MYO6: variants seen among roughly 807,000 people sequenced by gnomAD.
MYO6 encodes unconventional myosin-VI.
MYO6 carries 74 observed loss-of-function variants against 178.7 expected under a neutral mutation model. The ratio of observed to expected loss-of-function variants is 0.41; its 90% confidence interval spans 0.34 to 0.50. The LOEUF (loss-of-function observed/expected upper bound fraction) is 0.50. MYO6 is among the 20% of genes least tolerant of loss of function. MYO6 has a pLI of 0.09. For synonymous variants in MYO6, 477 were observed against 504.6 expected (o/e 0.95, Z 0.73); for missense variants, 1,330 against 1,547.4 (o/e 0.86, Z 2.36).
intron 3 of MYO6, among the ~76,000 whole-genome samples, chr6:75,824,796 G>T (rs1347558977): frequency 4.2e-5 from 6 of 143,498 alleles, no homozygotes; most frequent in African/African-American, 1.5e-4. Flanking sequence ...GTCTCGCTCT[G>T]TCACCCAGAC....
intron 1 of MYO6, among the ~76,000 whole-genome samples, chr6:75,791,531 T>C (rs1213851278): frequency 1.3e-5 from 2 of 152,186 alleles, no homozygotes; most frequent in Non-Finnish European, 2.9e-5. Flanking sequence ...GTTAAAAAAA[T>C]CGAGACTTAA....
Position 75,892,648 on chromosome 6 carries a change from A to T in MYO6, c.3065A>T (p.Glu1022Val). 1.2e-6 allele frequency: 2 copies of T among 1,612,856 alleles called. No individual in the cohort carries two copies. The highest frequency in any genetic ancestry group is 1.1e-5 in the South Asian group (1 of 91,028). Residue 1022 changes from glutamate (E) to valine (V), a missense_variant, in exon 28 of 35, where the codon GAG (glutamate) becomes GTG (valine). By Grantham distance (121) the Glu-to-Val change is moderately radical. This residue lies in a region of MYO6 where 601 missense variants were observed against 626.1 expected (regional missense o/e 0.96). Coordinates refer to ENST00000369977, the MANE Select transcript of MYO6 (RefSeq NM_004999.4). Reference protein sequence around the residue: ...LALRIAQSEAELISDEAQADL... With the variant: ...LALRIAQSEAVLISDEAQADL... ...CTGAGGATTGCCCAGAGTGAAGCCG[A>T]GCTCATCAGTGATGAGGCCCAGGCC...
chr6:75,771,934 TTG>T (rs1765934923), intron 1 of MYO6, among the ~76,000 whole-genome samples: 1 of 152,222 alleles, frequency 6.6e-6, no homozygotes, highest in African/African-American at 2.4e-5. Context: ...AATTTAGTTT[TTG>T]TGTACTAATT....
Position 75,840,565 on chromosome 6 carries a change from ATT to A in MYO6, c.554-14_554-13del, listed in dbSNP as rs1375613035. 6.4e-7 allele frequency: 1 copy of A among 1,565,098 alleles called. No individual in the cohort carries two copies. The highest frequency in any genetic ancestry group is 1.1e-5 in the South Asian group (1 of 90,096). On this transcript the variant is annotated intron_variant, in intron 7 of 34. Coordinates refer to ENST00000369977, the MANE Select transcript of MYO6 (RefSeq NM_004999.4). ...TTCCGTCATGCTAATTTTTTGATGG[ATT>A]TTTTTGTTTCTCAATAGCTAACCCA... is the stretch of plus-strand genomic sequence containing the variant.
At chr6:75,845,051 A>G in intron 10 of MYO6, 74 bp downstream of exon 10, 1 of 1,209,962 alleles carries the variant, frequency 8.3e-7, no homozygotes, top group East Asian at 2.3e-5. Context: ...TATAATTTTT[A>G]TTTTAGAGCC....
At chr6:75,770,705 G>A (rs1237599467) in intron 1 of MYO6, among the ~76,000 whole-genome samples, 2 of 152,148 alleles carry the variant, frequency 1.3e-5, no homozygotes, top group Non-Finnish European at 2.9e-5. Context: ...TTGAACTCCC[G>A]ACCTCAGGTG....
At chr6:75,781,917 CAAAAAAAAAAAAAAAA>C (rs10584481) in intron 1 of MYO6, among the ~76,000 whole-genome samples, 1 of 44,658 alleles carries the variant, frequency 2.2e-5, no homozygotes, top group Non-Finnish European at 4.4e-5. Context: ...GACTCCATCT[CAAAAAAAAAAAAAAAA>C]AAAAAAAAAA....
intron 1 of MYO6, among the ~76,000 whole-genome samples, chr6:75,801,206 T>G (rs944034364): frequency 6.6e-6 from 1 of 151,540 alleles, no homozygotes; most frequent in Non-Finnish European, 1.5e-5. Context: ...GCTGGGGAGG[T>G]GTCAGGAAAT....
At chr6:75,900,746 C>A (rs1446215520) in intron 30 of MYO6, among the ~76,000 whole-genome samples, 2 of 151,830 alleles carry the variant, frequency 1.3e-5, no homozygotes, top group East Asian at 1.9e-4. Flanking sequence ...AATTAGATCC[C>A]ATTTGTCAAT....
At chr6:75,754,796 A>C (rs551348717) in intron 1 of MYO6, among the ~76,000 whole-genome samples, 1 of 152,368 alleles carries the variant, frequency 6.6e-6, no homozygotes, top group Non-Finnish European at 1.5e-5. Context: ...CATATACGTC[A>C]AAAGCTAATA....
Position 75,914,873 on chromosome 6 carries a change from G to T in MYO6, c.3719G>T (p.Arg1240Leu). ...NLEETGLTRK[R>L]GAEILPRQFE... Reference sequence around the variant, plus strand: ...GAGGAGACTGGCCTGACTCGGAAGCGTGGTGCTGAGATCTTGCCAAGACAG... The same window carrying T: ...GAGGAGACTGGCCTGACTCGGAAGCTTGGTGCTGAGATCTTGCCAAGACAG... Residue 1240 changes from arginine to leucine, a missense_variant, in exon 35 of 35, where the codon CGT (arginine) becomes CTT (leucine). By Grantham distance (102) the Arg-to-Leu change is moderately radical (BLOSUM62 -2). Coordinates refer to ENST00000369977, the MANE Select transcript of MYO6 (RefSeq NM_004999.4). The T allele has an allele frequency of 6.2e-7, 1 of 1,614,144 alleles. No individual in the cohort carries two copies. The highest frequency in any genetic ancestry group is 8.5e-7 in the Non-Finnish European group (1 of 1,180,000).
At chr6:75,830,653 T>G in intron 5 of MYO6, 108 bp downstream of exon 5, 1 of 1,094,660 alleles carries the variant, frequency 9.1e-7, no homozygotes, top group East Asian at 2.6e-5. Context: ...AATATATATT[T>G]TGGAGAAACT....
rs79143034 is a variant in MYO6, at chr6:75,877,616, G to A, written c.2078-2204G>A. 3.3e-5 allele frequency among the ~76,000 whole-genome samples: 5 copies of A among 152,062 alleles called. No homozygotes were observed. In the East Asian group the frequency reaches 9.7e-4, roughly 29 times the overall value. ...AAATACCAGGGCAAAGTAGGGGAAGGTGAAAGAAGGCAAGTTTTCTTCTTC... is the reference window on the plus strand; with the variant it reads ...AAATACCAGGGCAAAGTAGGGGAAGATGAAAGAAGGCAAGTTTTCTTCTTC... On this transcript the variant is annotated intron_variant, in intron 20 of 34. Transcript: ENST00000369977.
chr6:75,830,741 C>T (rs1302128043), intron 5 of MYO6, among the ~76,000 whole-genome samples, 196 bp downstream of exon 5: 2 of 152,152 alleles, frequency 1.3e-5, no homozygotes, highest in African/African-American at 4.8e-5. Flanking sequence ...TTGTAGTCAA[C>T]TAATGGGGCA....
chr6:75,881,430 C>A (rs567578476), intron 22 of MYO6, among the ~76,000 whole-genome samples: 2 of 139,898 alleles, frequency 1.4e-5, no homozygotes, highest in African/African-American at 2.6e-5. Flanking sequence ...TCATCCCCCC[C>A]CCCCACTTTT....
chr6:75,823,259 TA>T (rs1483264380), intron 3 of MYO6, among the ~76,000 whole-genome samples: 5 of 152,162 alleles, frequency 3.3e-5, no homozygotes, highest in Admixed American at 2.0e-4. Context: ...AACATGCATT[TA>T]AAAAAATTCT....
At chr6:75,821,509 G>T (rs1771867768) in intron 2 of MYO6, among the ~76,000 whole-genome samples, 1 of 151,974 alleles carries the variant, frequency 6.6e-6, no homozygotes, top group Non-Finnish European at 1.5e-5. Context: ...TGTGTACTGG[G>T]TTCCAAGTAA....
intron 1 of MYO6, among the ~76,000 whole-genome samples, chr6:75,808,964 C>T (rs1770392277): frequency 6.6e-6 from 1 of 152,160 alleles, no homozygotes; most frequent in Non-Finnish European, 1.5e-5. Flanking sequence ...ACACAATTTA[C>T]AGGTGAGAGG....
intron 4 of MYO6, among the ~76,000 whole-genome samples, chr6:75,829,454 T>G (rs1772846581): frequency 6.6e-6 from 1 of 152,052 alleles, no homozygotes. Flanking sequence ...CAAATGACAG[T>G]CTTAATCTAT....
Sources: allele counts gnomAD v4.1 joint callset (sites outside exome capture counted in the v4.1 genomes callset), GRCh38; gene constraint gnomAD v4.1.1; regional missense constraint gnomAD v4.1.1; transcripts MANE v1.5; gene names NCBI Gene and HGNC (gene_info 2026-07-23, HGNC 2026-07-21).